Variants in SDK1 observed in about 807,000 individuals in gnomAD.
The protein encoded by SDK1 is sidekick cell adhesion molecule 1, also known as protein sidekick-1.
A neutral mutation model predicts 245.5 loss-of-function variants in SDK1; 157 were observed. That is an observed-to-expected ratio of 0.64 (90% CI 0.56 to 0.73). The LOEUF is 0.73. SDK1 is among the 30% of genes least tolerant of loss of function. The pLI, the probability that SDK1 is intolerant of heterozygous loss-of-function variation, is 0.00. For missense variants in SDK1, 3,583 were observed against 3,002.3 expected (o/e 1.19, Z -4.52); for synonymous variants, 1,647 against 1,278.5 (o/e 1.29, Z -6.15).
At chr7:3,502,189 T>A (rs1007283473) in intron 1 of SDK1, among the ~76,000 whole-genome samples, 6 of 152,040 alleles carry the variant, frequency 3.9e-5, no homozygotes, top group Non-Finnish European at 8.8e-5. Flanking sequence ...TTGACATTAG[T>A]AAAATTTTTC....
At chr7:3,993,451 T>G (rs1200083024) in intron 14 of SDK1, among the ~76,000 whole-genome samples, 10 of 152,254 alleles carry the variant, frequency 6.6e-5, no homozygotes, top group African/African-American at 2.4e-4. Flanking sequence ...TTCATTCTAC[T>G]CAGTCCTACG....
intron 1 of SDK1, among the ~76,000 whole-genome samples, chr7:3,519,037 A>C (rs1782842508): frequency 6.6e-6 from 1 of 152,280 alleles, no homozygotes; most frequent in South Asian, 2.1e-4. Flanking sequence ...TCTTGAAATA[A>C]GCCAGGAACA....
chr7:3,398,175 T>G (rs1562462627), intron 1 of SDK1, among the ~76,000 whole-genome samples: 2 of 152,108 alleles, frequency 1.3e-5, no homozygotes, highest in Admixed American at 6.6e-5. Flanking sequence ...GGCTTTAGTT[T>G]CCCGTAGTAT....
chr7:3,599,396 C>T (rs1017523067), intron 1 of SDK1, among the ~76,000 whole-genome samples: 1 of 151,988 alleles, frequency 6.6e-6, no homozygotes. Context: ...ATGTGGTTTG[C>T]CTGTATTTTC....
At chr7:3,493,725 T>C (rs1781935883) in intron 1 of SDK1, among the ~76,000 whole-genome samples, 1 of 152,260 alleles carries the variant, frequency 6.6e-6, no homozygotes, top group African/African-American at 2.4e-5. Flanking sequence ...TTGTGTTAAC[T>C]CACAATTACT....
Position 4,149,309 on chromosome 7 carries a change from A to T in SDK1, c.4471A>T (p.Thr1491Ser). The change falls in exon 30 of 45, where the codon ACC becomes TCC. Residue 1491 changes from threonine (T) to serine (S), a missense_variant. Thr to Ser is a moderately conservative substitution (Grantham distance 58, BLOSUM62 1). Transcript: ENST00000404826. ...RELLVPQAEVTARSLRLQWVP... is the reference protein window; with the variant it reads ...RELLVPQAEVSARSLRLQWVP... ...GCTCCTGGTGCCCCAGGCAGAAGTG[A>T]CCGCACGCAGCCTCCGGCTCCAGTG... The T allele has an allele frequency of 6.3e-7, 1 of 1,584,992 alleles. No individual in the cohort carries two copies.
chr7:4,096,479 C>T (rs1485899729), intron 22 of SDK1, among the ~76,000 whole-genome samples: 3 of 152,146 alleles, frequency 2.0e-5, no homozygotes, highest in African/African-American at 7.2e-5. Context: ...TAGGGGCCAA[C>T]TATACCGGGA....
At chr7:3,844,268 G>T (rs1780224861) in intron 5 of SDK1, among the ~76,000 whole-genome samples, 1 of 152,152 alleles carries the variant, frequency 6.6e-6, no homozygotes. Flanking sequence ...CACCGCCCCT[G>T]GCCCAGTTTA....
chr7:4,001,782 C>A (rs940681037), intron 14 of SDK1, among the ~76,000 whole-genome samples: 3 of 152,162 alleles, frequency 2.0e-5, no homozygotes, highest in Non-Finnish European at 4.4e-5. Flanking sequence ...CTCTTTCTTC[C>A]CCCTGTTCTA....
At chr7:4,104,280 C>T (rs756293466) in intron 22 of SDK1, among the ~76,000 whole-genome samples, 5 of 152,114 alleles carry the variant, frequency 3.3e-5, no homozygotes, top group Non-Finnish European at 5.9e-5. Context: ...AGGCTGGTCT[C>T]GAAGTCCTGG....
intron 31 of SDK1, among the ~76,000 whole-genome samples, chr7:4,160,386 G>C (rs112672445): frequency 5.3e-5 from 8 of 152,284 alleles, no homozygotes; most frequent in African/African-American, 1.7e-4. Flanking sequence ...AAAAAATATT[G>C]AAGGGCCTCT....
chr7:3,979,568 C>A (rs1463608303), intron 13 of SDK1, among the ~76,000 whole-genome samples: 1 of 152,178 alleles, frequency 6.6e-6, no homozygotes, highest in Non-Finnish European at 1.5e-5. Flanking sequence ...TTTTGCCCTA[C>A]TGAGGAGGAC....
At chr7:3,566,227 T>TTTC in intron 1 of SDK1, among the ~76,000 whole-genome samples, 1 of 146,994 alleles carries the variant, frequency 6.8e-6, no homozygotes, top group Non-Finnish European at 1.5e-5. Flanking sequence ...ACTTCTTCTT[T>TTTC]TTTTTTTTTT....
chr7:4,003,044 A>G (rs1785192207), intron 14 of SDK1, among the ~76,000 whole-genome samples: 1 of 152,218 alleles, frequency 6.6e-6, no homozygotes, highest in African/African-American at 2.4e-5. Context: ...GGAGTTCAGC[A>G]TGAGCCATGT....
intron 32 of SDK1, among the ~76,000 whole-genome samples, chr7:4,162,061 AG>A (rs1283315223): frequency 6.6e-6 from 1 of 152,160 alleles, no homozygotes; most frequent in African/African-American, 2.4e-5. Context: ...AAACATTAGA[AG>A]CAGGACTGTG....
intron 38 of SDK1, among the ~76,000 whole-genome samples, chr7:4,216,610 G>A (rs534001393): frequency 6.6e-6 from 1 of 152,338 alleles, no homozygotes; most frequent in East Asian, 1.9e-4. Context: ...AGGCATCCTT[G>A]AAGTATATTG....
chr7:3,841,754 G>A (rs1345842379), intron 5 of SDK1, among the ~76,000 whole-genome samples: 1 of 151,848 alleles, frequency 6.6e-6, no homozygotes, highest in African/African-American at 2.4e-5. Flanking sequence ...ATAGAGATGG[G>A]GTTTCACTAT....
chr7:4,057,318 C>T lies in SDK1; in HGVS notation c.2911+5488C>T, dbSNP rs78155800. ...GGCCCTGGGCTCACCCTGCCCTGTC[C>T]ACCACTATGAGCACCTGAGTACTTC... On this transcript the variant is annotated intron_variant, in intron 19 of 44. Coordinates refer to ENST00000404826, the MANE Select transcript of SDK1 (RefSeq NM_152744.4). Among the ~76,000 whole-genome samples the T allele has an allele frequency of 7.0e-3, 1,062 of 152,274 alleles. 12 individuals are homozygous for T. Among genetic ancestry groups the T allele is most frequent in the African/African-American group, 0.024 (993 of 41,552 alleles).
At chr7:3,937,721 C>T (rs766084601) in intron 5 of SDK1, among the ~76,000 whole-genome samples, 21 of 152,326 alleles carry the variant, frequency 1.4e-4, no homozygotes, top group South Asian at 4.1e-4. Context: ...GGCCCCTGCC[C>T]GCGCGTCCTG....
Sources: allele counts gnomAD v4.1 joint callset (sites outside exome capture counted in the v4.1 genomes callset), GRCh38; gene constraint gnomAD v4.1.1; transcripts MANE v1.5; gene names NCBI Gene and HGNC (gene_info 2026-07-23, HGNC 2026-07-21).